HOXB7: variants seen among roughly 807,000 people sequenced by gnomAD.
HOXB7 encodes homeobox B7.
HOXB7 carries 11 observed loss-of-function variants against 19.2 expected under a neutral mutation model. The ratio of observed to expected loss-of-function variants is 0.57; its 90% CI spans 0.36 to 0.95. HOXB7 has a LOEUF of 0.95. HOXB7 is among the 40% of genes least tolerant of loss of function. The pLI is 0.01. For missense variants in HOXB7, 318 were observed against 301.1 expected, an observed-to-expected ratio of 1.06 and a Z score of -0.42; for synonymous variants, 141 against 130.2, an observed-to-expected ratio of 1.08 and a Z score of -0.56.
rs774868007 is a variant in HOXB7, at chr17:48,610,750, C to A, written c.169G>T (p.Gly57Cys). The change falls in exon 1 of 2, where the codon GGC (glycine) becomes TGC (cysteine). Residue 57 changes from glycine (G) to cysteine (C), a missense_variant. Coordinates refer to ENST00000239165, the MANE Select transcript of HOXB7 (RefSeq NM_004502.4). ...SGASFAASMQ[G>C]LYPGGGGMAG... ...ATGCCCCCCCCGCCGGGGTACAAGC[C>A]CTGCATCGAGGCGGCGAAGGAAGCG... 2.8e-5 allele frequency: 44 copies of A among 1,599,594 alleles called. No individual in the cohort carries two copies. Among genetic ancestry groups the A allele is most frequent in the Non-Finnish European group, 3.3e-5 (39 of 1,172,344 alleles).
In HOXB7 at chr17:48,610,748, G is replaced by A. The variant is rs185630449; in HGVS notation, c.171C>T (p.Gly57=). ...CCATGCCCCCCCCGCCGGGGTACAAGCCCTGCATCGAGGCGGCGAAGGAAG... is the reference window on the plus strand; with the variant it reads ...CCATGCCCCCCCCGCCGGGGTACAAACCCTGCATCGAGGCGGCGAAGGAAG... The part of the protein sequence containing the change: ...SGASFAASMQ[G]LYPGGGGMAG... The change falls in exon 1 of 2, where the codon GGC becomes GGT. Residue 57 remains glycine (G), a synonymous_variant. Coordinates refer to ENST00000239165, the MANE Select transcript of HOXB7 (RefSeq NM_004502.4). 277 of 1,599,576 alleles carry A rather than the reference G, an allele frequency of 1.7e-4. 3 individuals are homozygous for A. In the African/African-American group the frequency reaches 3.4e-3, roughly 20 times the overall value.
At position 48,610,808 on chromosome 17, in the gene HOXB7, G is replaced by T. The variant is rs1402277716; in HGVS notation, c.111C>A (p.Asn37Lys). The change falls in exon 1 of 2, where the codon AAC becomes AAA. Residue 37 changes from asparagine to lysine, a missense_variant. Transcript: ENST00000239165. ...CCGCTCCATAGCCCGGGCGCTGGGG[G>T]TTGGAAGCAAACGCACAAGAAGTTT... is the stretch of plus-strand genomic sequence containing the variant. Reference protein sequence around the residue: ...PEQTSCAFASNPQRPGYGAGS... With the variant: ...PEQTSCAFASKPQRPGYGAGS... The T allele has an allele frequency of 6.3e-7, 1 of 1,592,922 alleles. No homozygotes were observed. The highest frequency in any genetic ancestry group is 1.8e-5 in the Admixed American group (1 of 55,806).
At position 48,611,001 on chromosome 17, in the gene HOXB7, A is replaced by C; in HGVS notation, c.-83T>G. The C allele has an allele frequency of 8.2e-7, 1 of 1,217,410 alleles. No individual in the cohort carries two copies. Among genetic ancestry groups the C allele is most frequent in the Non-Finnish European group, 1.1e-6 (1 of 915,006 alleles). The allele number at this position is 1,217,410 out of a possible 1,614,324, so 75.4% of individuals were successfully genotyped here. ...TTGATATATTACAGAATTAGAGTCC[A>C]GATTTACACCAAAAAGGACCCCCTT... On this transcript the variant is annotated 5_prime_UTR_variant, in exon 1 of 2. Coordinates refer to ENST00000239165, the MANE Select transcript of HOXB7 (RefSeq NM_004502.4).
Position 48,607,900 on chromosome 17 carries a change from G to C in HOXB7, c.596C>G (p.Ala199Gly), listed in dbSNP as rs766204258. The C allele has an allele frequency of 1.9e-6, 3 of 1,613,780 alleles. No homozygotes were observed. Among genetic ancestry groups the C allele is most frequent in the Admixed American group, 3.3e-5 (2 of 59,980 alleles). The change falls in exon 2 of 2, where the codon GCG becomes GGG. Residue 199 changes from alanine (A) to glycine (G), a missense_variant. Ala to Gly is a moderately conservative substitution (Grantham distance 60). Transcript: ENST00000239165. ...RMKWKKENKT[A>G]GPGTTGQDRA... ...GTCTTGGCCGGTGGTCCCCGGGCCC[G>C]CGGTCTTGTTCTCCTTTTTCCACTT...
Position 48,610,913 on chromosome 17 carries a change from A to T in HOXB7, c.6T>A (p.Ser2Arg), listed in dbSNP as rs2070640278. The T allele has an allele frequency of 2.0e-6, 3 of 1,485,882 alleles. No individual in the cohort carries two copies. The East Asian group carries it at 7.2e-5, about 36-fold the overall frequency. 92.0% of individuals were successfully genotyped at this position (1,485,882 alleles called of 1,614,324 possible). The change falls in exon 1 of 2, where the codon AGT becomes AGA. Residue 2 changes from serine to arginine, a missense_variant. Ser to Arg is a moderately radical substitution (Grantham distance 110). Transcript: ENST00000239165. The part of the protein sequence containing the change: M[S>R]SLYYANTLFS... ...ATAAAGTATTCGCATAATACAATGA[A>T]CTCATAATTTGGCCGGATGATTTGT...
rs746593180 is a variant in HOXB7, at chr17:48,610,682, C to T, written c.237G>A (p.Gly79=). ...SAAGVYAAGY[G]LEPSSFNMHC... ...GCATGTTGAAGGAACTCGGCTCGAG[C>T]CCATAGCCGGCCGCGTAGACGCCGG... Residue 79 remains glycine (G), a synonymous_variant, in exon 1 of 2, where the codon GGG becomes GGA. Coordinates refer to ENST00000239165, the MANE Select transcript of HOXB7 (RefSeq NM_004502.4). The T allele has an allele frequency of 5.1e-5, 80 of 1,573,936 alleles. No individual in the cohort carries two copies. Among genetic ancestry groups the T allele is most frequent in the South Asian group, 3.5e-4 (31 of 87,628 alleles).
intron 1 of HOXB7, among the ~76,000 whole-genome samples, chr17:48,609,072 T>TCCTGCTTG (rs1248602615): frequency 2.0e-5 from 3 of 152,242 alleles, no homozygotes; most frequent in Non-Finnish European, 1.5e-5. Flanking sequence ...GGCCAGGCTG[T>TCCTGCTTG]CCTGCTTGCC....
At position 48,607,874 on chromosome 17, in the gene HOXB7, T is replaced by C; in HGVS notation, c.622A>G (p.Arg208Gly). 6.2e-7 allele frequency: 1 copy of C among 1,614,164 alleles called. No individual in the cohort carries two copies. Among genetic ancestry groups the C allele is most frequent in the South Asian group, 1.1e-5 (1 of 91,078 alleles). Residue 208 changes from arginine (R) to glycine (G), a missense_variant, in exon 2 of 2, where the codon AGG becomes GGG. Arg to Gly is a moderately radical substitution (Grantham distance 125). Transcript: ENST00000239165. ...TCCTCTTCCTCCTCTGCTTCAGCCCTGTCTTGGCCGGTGGTCCCCGGGCCC... is the reference window on the plus strand; with the variant it reads ...TCCTCTTCCTCCTCTGCTTCAGCCCCGTCTTGGCCGGTGGTCCCCGGGCCC... ...TAGPGTTGQD[R>G]AEAEEEEEE is the part of the protein sequence containing the mutation.
In HOXB7 at chr17:48,607,778, C is replaced by T; in HGVS notation, c.*64G>A. 3 of 1,292,478 alleles carry T rather than the reference C, an allele frequency of 2.3e-6. No homozygotes were observed. The highest frequency in any genetic ancestry group is 2.2e-6 in the Non-Finnish European group (2 of 926,254). The allele number at this position is 1,292,478 out of a possible 1,614,324, so 80.1% of individuals were successfully genotyped here. The stretch of plus-strand genomic sequence containing the variant: ...TCGATTTGAGTTTCCTGATTCAGTT[C>T]CCAGAGCTGGGCTTCTCTTCCTCTC... On this transcript the variant is annotated 3_prime_UTR_variant, in exon 2 of 2. Transcript: ENST00000239165.
rs11454153 is a variant in HOXB7 at position 48,607,714 on chromosome 17, GT to G, written c.*127del. Reference sequence around the variant, plus strand: ...TTCATTTAAATAGGGTTTTTTTTTTGTTTTTTTTGTTTTTTGTTTTGTTTTT... The same window carrying G: ...TTCATTTAAATAGGGTTTTTTTTTTGTTTTTTTGTTTTTTGTTTTGTTTTT... On this transcript the variant is annotated 3_prime_UTR_variant, in exon 2 of 2. Coordinates refer to ENST00000239165, the MANE Select transcript of HOXB7 (RefSeq NM_004502.4). The G allele has an allele frequency of 2.2e-5, 14 of 634,094 alleles. No individual in the cohort carries two copies. Among genetic ancestry groups the G allele is most frequent in the Non-Finnish European group, 3.1e-5 (13 of 419,580 alleles). 39.3% of individuals were successfully genotyped at this position (634,094 alleles called of 1,614,324 possible). A position where few individuals can be genotyped will look rare whatever the true frequency, so the allele number is the denominator to read the frequency against.
At chr17:48,610,334 A>T (rs2070630315) in intron 1 of HOXB7, among the ~76,000 whole-genome samples, 185 bp downstream of exon 1, 1 of 149,532 alleles carries the variant, frequency 6.7e-6, no homozygotes, top group Non-Finnish European at 1.5e-5. Flanking sequence ...GCCTGAGAGC[A>T]CCGAGCAAAT....
intron 1 of HOXB7, among the ~76,000 whole-genome samples, chr17:48,610,178 G>C (rs936815824): frequency 1.3e-5 from 2 of 152,164 alleles, no homozygotes; most frequent in Non-Finnish European, 2.9e-5. Context: ...GCCTTCCTCC[G>C]CAAGACAAAC....
chr17:48,608,221 A>C, intron 1 of HOXB7, 126 bp from the exon 2 acceptor site: 1 of 1,229,458 alleles, frequency 8.1e-7, no homozygotes, highest in Non-Finnish European at 1.1e-6. Flanking sequence ...CAGGAGATCG[A>C]GACCAACCTG....
In HOXB7 at chr17:48,610,961, G is replaced by A; in HGVS notation, c.-43C>T. On this transcript the variant is annotated 5_prime_UTR_variant, in exon 1 of 2. Coordinates refer to ENST00000239165, the MANE Select transcript of HOXB7 (RefSeq NM_004502.4). Reference sequence around the variant, plus strand: ...TGTAGGCAGGGACGTTTTAGTGTCGGTTTTACGAGATTCCTTGATATATTA... The same window carrying A: ...TGTAGGCAGGGACGTTTTAGTGTCGATTTTACGAGATTCCTTGATATATTA... 2.1e-6 allele frequency: 3 copies of A among 1,436,040 alleles called. No homozygotes were observed. Among genetic ancestry groups the A allele is most frequent in the Non-Finnish European group, 2.8e-6 (3 of 1,081,756 alleles). The allele number at this position is 1,436,040 out of a possible 1,614,324, so 89.0% of individuals were successfully genotyped here.
intron 1 of HOXB7, 47 bp from the exon 2 acceptor site, chr17:48,608,142 GC>G (rs2070606697): frequency 6.3e-7 from 1 of 1,583,844 alleles, no homozygotes; most frequent in Non-Finnish European, 8.6e-7. Flanking sequence ...GAAAACGCCG[GC>G]CGGGCGCGGT....
chr17:48,610,486 T>C, intron 1 of HOXB7, 33 bp downstream of exon 1: 6 of 1,401,050 alleles, frequency 4.3e-6, no homozygotes, highest in Non-Finnish European at 5.6e-6. Context: ...CCCCGGCCCC[T>C]GGGGCTCAGG....
rs138865004 is a variant in HOXB7 at position 48,607,966 on chromosome 17, G to T, written c.530C>A (p.Thr177Lys). The T allele has an allele frequency of 1.5e-5, 24 of 1,613,942 alleles. No individual in the cohort carries two copies. The African/African-American group carries it at 2.1e-4, about 14-fold the overall frequency. ...RIEIAHTLCL[T>K]ERQIKIWFQN... is the part of the protein sequence containing the mutation. ...AAACCAAATCTTGATCTGTCTTTCC[G>T]TGAGGCAGAGCGTGTGCGCGATCTC... is the stretch of plus-strand genomic sequence containing the variant. Residue 177 changes from threonine (T) to lysine (K), a missense_variant, in exon 2 of 2, where the codon ACG becomes AAG. Coordinates refer to ENST00000239165, the MANE Select transcript of HOXB7 (RefSeq NM_004502.4).
Position 48,610,919 on chromosome 17 carries a change from A to G in HOXB7, c.-1T>C. 4.1e-6 allele frequency: 6 copies of G among 1,480,474 alleles called. No homozygotes were observed. Among genetic ancestry groups the G allele is most frequent in the Non-Finnish European group, 5.4e-6 (6 of 1,114,566 alleles). 91.7% of individuals were successfully genotyped at this position (1,480,474 alleles called of 1,614,324 possible). ...TATTCGCATAATACAATGAACTCAT[A>G]ATTTGGCCGGATGATTTGTAGGCAG... On this transcript the variant is annotated 5_prime_UTR_variant, in exon 1 of 2. Transcript: ENST00000239165.
At position 48,607,754 on chromosome 17, in the gene HOXB7, CGATTT is replaced by C. The variant is rs372475964; in HGVS notation, c.*83_*87del. ...TGTTTTGTTTTTTTACTTCCCTATTCGATTTGAGTTTCCTGATTCAGTTCCCAGAG... is the reference window on the plus strand; with the variant it reads ...TGTTTTGTTTTTTTACTTCCCTATTCGAGTTTCCTGATTCAGTTCCCAGAG... On this transcript the variant is annotated 3_prime_UTR_variant, in exon 2 of 2. Transcript: ENST00000239165. 47 of 952,778 alleles carry C rather than the reference CGATTT, an allele frequency of 4.9e-5. 1 individual carries two copies. The highest frequency in any genetic ancestry group is 1.9e-4 in the African/African-American group (11 of 59,090). 59.0% of individuals were successfully genotyped at this position (952,778 alleles called of 1,614,324 possible).
Sources: allele counts gnomAD v4.1 joint callset (sites outside exome capture counted in the v4.1 genomes callset), GRCh38; gene constraint gnomAD v4.1.1; transcripts MANE v1.5; gene names NCBI Gene and HGNC (gene_info 2026-07-23, HGNC 2026-07-21).